BEND3: variants seen among roughly 807,000 people sequenced by gnomAD.
The protein encoded by BEND3 is BEN domain containing 3.
BEND3 carries 13 observed loss-of-function variants against 60.1 expected under a neutral mutation model. That is an observed-to-expected ratio of 0.22 (90% CI 0.14 to 0.34). The LOEUF (loss-of-function observed/expected upper bound fraction) is 0.34, where lower values mean the gene tolerates loss of function less well. Ranked by LOEUF, BEND3 falls within the 10% of genes least tolerant of loss-of-function variation. The probability of loss-of-function intolerance (pLI) is 1.00; values close to 1 mark genes in which losing one functional copy is unlikely to be tolerated. For synonymous variants in BEND3, 497 were observed against 491.5 expected, an observed-to-expected ratio of 1.01 and a Z score of -0.15; for missense variants, 896 against 1,138.1, an observed-to-expected ratio of 0.79 and a Z score of 3.06.
Position 107,070,417 on chromosome 6 carries a change from G to A in BEND3, c.774C>T (p.Asp258=), listed in dbSNP as rs782526375. 1.9e-6 allele frequency: 3 copies of A among 1,614,012 alleles called. No individual in the cohort carries two copies. The African/African-American group carries it at 4.0e-5, about 22-fold the overall frequency. The part of the protein sequence containing the change: ...LTAAELKQIV[D]QSLSGGDLAC... ...CCAGGTCCCCCCCTGACAGGCTCTG[G>A]TCCACGATCTGCTTGAGCTCTGCGG... Residue 258 remains aspartate, a synonymous_variant, in exon 4 of 4, where the codon GAC becomes GAT. Transcript: ENST00000369042. The surrounding 1 kb of genome is among the most constrained non-coding windows in gnomAD (Gnocchi z 6.9).
At position 107,068,489 on chromosome 6, in the gene BEND3, T is replaced by C; in HGVS notation, c.*215A>G. 1 of 568,262 alleles carries C rather than the reference T, an allele frequency of 1.8e-6. No individual in the cohort carries two copies. 35.2% of individuals were successfully genotyped at this position (568,262 alleles called of 1,614,324 possible). A position where few individuals can be genotyped will look rare whatever the true frequency, so the allele number is the denominator to read the frequency against. On this transcript the variant is annotated 3_prime_UTR_variant, in exon 4 of 4. Coordinates refer to ENST00000369042, the MANE Select transcript of BEND3 (RefSeq NM_001367314.1). This position sits in a 1 kb window ranked among gnomAD's most constrained non-coding sequence, Gnocchi z 5.8. ...ACTCAGGCTGCCCCGCCGGGGCACA[T>C]AGGACAGAAGTTGTAAGTACAAGAG... is the stretch of plus-strand genomic sequence containing the variant.
chr6:107,113,816 C>G (rs1176277262), intron 1 of BEND3: 1 of 151,994 alleles, frequency 6.6e-6, no homozygotes, highest in East Asian at 1.9e-4. Context: ...GAGCGGGTAA[C>G]AAGAGAAAGT....
chr6:107,098,249 C>A (rs1554236270), intron 3 of BEND3, among the ~76,000 whole-genome samples: 1 of 152,244 alleles, frequency 6.6e-6, no homozygotes, highest in African/African-American at 2.4e-5. Flanking sequence ...GGTAGGCTTA[C>A]GTTAACCGTC....
chr6:107,086,142 C>T (rs1448456309), intron 3 of BEND3, among the ~76,000 whole-genome samples: 3 of 152,248 alleles, frequency 2.0e-5, no homozygotes, highest in African/African-American at 7.2e-5. Context: ...TGAGCTAAAC[C>T]TGCAGGGGTT....
At chr6:107,107,525 C>T (rs1185829425) in intron 1 of BEND3, among the ~76,000 whole-genome samples, 1 of 151,846 alleles carries the variant, frequency 6.6e-6, no homozygotes, top group Non-Finnish European at 1.5e-5. Context: ...TGCAGTGGCA[C>T]AATCTTGGCT....
chr6:107,105,543 T>C (rs782158567), intron 1 of BEND3, among the ~76,000 whole-genome samples: 28 of 152,098 alleles, frequency 1.8e-4, no homozygotes, highest in Non-Finnish European at 4.0e-4. Flanking sequence ...TACCTTTCTA[T>C]CAAGTTCTTT....
chr6:107,072,655 C>T (rs1373916245), intron 3 of BEND3, among the ~76,000 whole-genome samples: 2 of 152,194 alleles, frequency 1.3e-5, no homozygotes, highest in East Asian at 3.8e-4. Flanking sequence ...AGAAAACTTT[C>T]ATCATTCTGA....
At chr6:107,104,813 C>T (rs1554237182) in intron 1 of BEND3, among the ~76,000 whole-genome samples, 1 of 151,936 alleles carries the variant, frequency 6.6e-6, no homozygotes, top group African/African-American at 2.4e-5. Flanking sequence ...GGACCACAGG[C>T]ATGCGCCACC....
chr6:107,095,366 C>A (rs1341062004), intron 3 of BEND3, among the ~76,000 whole-genome samples: 3 of 151,976 alleles, frequency 2.0e-5, no homozygotes, highest in Non-Finnish European at 2.9e-5. Flanking sequence ...AAGAAAAAAA[C>A]CAAGATACTA....
At chr6:107,099,408 G>GCAGCA in intron 1 of BEND3, 112 bp from the exon 2 acceptor site, 1 of 875,958 alleles carries the variant, frequency 1.1e-6, no homozygotes, top group Non-Finnish European at 1.9e-6. Flanking sequence ...AGGTAACAGA[G>GCAGCA]CAGCACAGCA....
chr6:107,084,728 G>C (rs1775305374), intron 3 of BEND3, among the ~76,000 whole-genome samples: 2 of 152,150 alleles, frequency 1.3e-5, no homozygotes, highest in Non-Finnish European at 2.9e-5. Flanking sequence ...ACACCAATCA[G>C]CACTCTGTAA....
intron 3 of BEND3, among the ~76,000 whole-genome samples, chr6:107,083,503 G>A (rs986857857): frequency 1.3e-5 from 2 of 151,996 alleles, no homozygotes; most frequent in African/African-American, 4.8e-5. Flanking sequence ...CAGTTGTGGT[G>A]GTGCGTGCCT....
At position 107,069,400 on chromosome 6, in the gene BEND3, G is replaced by A; in HGVS notation, c.1791C>T (p.Cys597=). The A allele has an allele frequency of 6.2e-7, 1 of 1,612,682 alleles. No homozygotes were observed. The highest frequency in any genetic ancestry group is 8.5e-7 in the Non-Finnish European group (1 of 1,179,854). Residue 597 remains cysteine, a synonymous_variant, in exon 4 of 4, where the codon TGC becomes TGT. Coordinates refer to ENST00000369042, the MANE Select transcript of BEND3 (RefSeq NM_001367314.1). ...THENLRKQYN[C]SGSLGKKQLD... is the part of the protein sequence containing the mutation. ...GCTGCTTCTTGCCCAGGGAGCCGCT[G>A]CAGTTGTACTGCTTGCGCAGGTTCT... is the stretch of plus-strand genomic sequence containing the variant.
chr6:107,070,744 C>T lies in BEND3; in HGVS notation c.447G>A (p.Leu149=). The change falls in exon 4 of 4, where the codon CTG becomes CTA. Residue 149 remains leucine (L), a synonymous_variant. Transcript: ENST00000369042. This position sits in a 1 kb window ranked among gnomAD's most constrained non-coding sequence, Gnocchi z 6.9. Reference sequence around the variant, plus strand: ...TCTCAAAGAGCTCGTACACGTTTAGCAGGTCCCCCGAGGGAGGATTCTTCT... The same window carrying T: ...TCTCAAAGAGCTCGTACACGTTTAGTAGGTCCCCCGAGGGAGGATTCTTCT... ...MEKKNPPSGD[L]LNVYELFEKA... is the part of the protein sequence containing the mutation. 1 of 1,614,050 alleles carries T rather than the reference C, an allele frequency of 6.2e-7. No individual in the cohort carries two copies. The highest frequency in any genetic ancestry group is 8.5e-7 in the Non-Finnish European group (1 of 1,180,018).
intron 3 of BEND3, among the ~76,000 whole-genome samples, chr6:107,093,884 A>G (rs1775527383): frequency 6.6e-6 from 1 of 152,250 alleles, no homozygotes; most frequent in Non-Finnish European, 1.5e-5. Flanking sequence ...AAGAATTAAT[A>G]AAGTGGACTT....
At chr6:107,076,841 AT>A (rs1362463558) in intron 3 of BEND3, among the ~76,000 whole-genome samples, 4 of 150,896 alleles carry the variant, frequency 2.7e-5, no homozygotes, top group Non-Finnish European at 5.9e-5. Flanking sequence ...TCATCATCAA[AT>A]TTTTTTTTGA....
At chr6:107,077,376 T>C (rs1554232893) in intron 3 of BEND3, among the ~76,000 whole-genome samples, 2 of 152,166 alleles carry the variant, frequency 1.3e-5, no homozygotes, top group African/African-American at 4.8e-5. Flanking sequence ...TGACCTGCTC[T>C]GTTTCTGACC....
chr6:107,093,508 C>A lies in BEND3; in HGVS notation c.240+5043G>T, dbSNP rs74760859. Among the ~76,000 whole-genome samples the A allele has an allele frequency of 6.2e-3, 948 of 151,900 alleles. 11 individuals carry two copies. The highest frequency in any genetic ancestry group is 0.021 in the African/African-American group (887 of 41,478). ...CACAGTTAAGACTGATACTACCTGA[C>A]TGCAACATTTACCATAAAGCTACAG... On this transcript the variant is annotated intron_variant, in intron 3 of 3. Coordinates refer to ENST00000369042, the MANE Select transcript of BEND3 (RefSeq NM_001367314.1).
rs782181324 is a variant in BEND3 at position 107,069,689 on chromosome 6, G to A, written c.1502C>T (p.Ser501Phe). ...GDPPRDDCYD[S>F]SSLPDDISVV... ...TGAGATGTCGTCGGGCAGACTGGAG[G>A]AGTCGTAGCAGTCATCACGCGGGGG... Residue 501 changes from serine (S) to phenylalanine (F), a missense_variant, in exon 4 of 4, where the codon TCC (serine) becomes TTC (phenylalanine). By Grantham distance (155) the Ser-to-Phe change is radical. This residue lies in a region of BEND3 where 846 missense variants were observed against 1,036.7 expected (regional missense o/e 0.82). Coordinates refer to ENST00000369042, the MANE Select transcript of BEND3 (RefSeq NM_001367314.1). 6 of 1,609,842 alleles carry A rather than the reference G, an allele frequency of 3.7e-6. No homozygotes were observed. The highest frequency in any genetic ancestry group is 5.1e-6 in the Non-Finnish European group (6 of 1,180,014).
Sources: gnomAD v4.1 joint callset for allele counts (sites outside exome capture counted in the v4.1 genomes callset) on GRCh38, gnomAD v4.1.1 for gene constraint, gnomAD v4.1.1 regional missense constraint, Gnocchi (gnomAD v3.1) non-coding constraint, MANE v1.5 for transcripts, NCBI Gene and HGNC (gene_info 2026-07-23, HGNC 2026-07-21) for gene names.